CHODL: variants seen among roughly 807,000 people sequenced by gnomAD.
The protein encoded by CHODL is transmembrane protein MT75.
CHODL carries 29 observed loss-of-function variants against 34.5 expected under a neutral mutation model. That is an observed-to-expected ratio of 0.84 (90% confidence interval 0.63 to 1.15). The LOEUF (loss-of-function observed/expected upper bound fraction) is 1.15, where lower values mean the gene tolerates loss of function less well. CHODL is among the 50% of genes most tolerant of loss of function. The pLI, the probability that CHODL is intolerant of heterozygous loss-of-function variation, is 0.00. For synonymous variants in CHODL, 125 were observed against 116.1 expected (o/e 1.08, Z -0.49); for missense variants, 332 against 332.5 (o/e 1.00, Z 0.01).
intron 1 of CHODL, among the ~76,000 whole-genome samples, chr21:17,964,987 G>A (rs960317346): frequency 6.6e-5 from 10 of 152,228 alleles, no homozygotes; most frequent in South Asian, 4.1e-4. Context: ...GTAAATAACA[G>A]TTTGGAAATT....
intron 2 of CHODL, among the ~76,000 whole-genome samples, chr21:18,109,114 G>A (rs2065315430): frequency 1.3e-5 from 2 of 152,094 alleles, no homozygotes; most frequent in Non-Finnish European, 1.5e-5. Context: ...AGTTTTTTAA[G>A]CCTTAACAAT....
chr21:18,256,987 A>C lies in CHODL; in HGVS notation c.407A>C (p.Glu136Ala). Residue 136 changes from glutamate to alanine, a missense_variant, in exon 3 of 6, where the codon GAA (glutamate) becomes GCA (alanine). Physicochemically the swap from Glu to Ala is moderately radical, Grantham distance 107. Coordinates refer to ENST00000299295, the MANE Select transcript of CHODL (RefSeq NM_024944.3). The part of the protein sequence containing the change: ...NSQYRNWYTD[E>A]PSCGSEKCVV... Reference sequence around the variant, plus strand: ...GTTTGCAGAAACTGGTACACAGATGAACCTTCCTGCGGAAGTGAAAAGTGT... The same window carrying C: ...GTTTGCAGAAACTGGTACACAGATGCACCTTCCTGCGGAAGTGAAAAGTGT... 6.2e-7 allele frequency: 1 copy of C among 1,613,302 alleles called. No individual in the cohort carries two copies. Among genetic ancestry groups the C allele is most frequent in the Non-Finnish European group, 8.5e-7 (1 of 1,179,650 alleles).
Position 17,946,312 on chromosome 21 carries a change from G to C in CHODL, c.-145+28912G>C, listed in dbSNP as rs1006999448. On this transcript the variant is annotated intron_variant, in intron 1 of 6. Transcript: ENST00000400127. ...CGGGTGCCTGTGGTCCCAGCTACTC[G>C]GGAGGCTGAGGCAGGAGAATGGCGT... Among the ~76,000 whole-genome samples the C allele has an allele frequency of 3.3e-5, 5 of 152,174 alleles. No individual in the cohort carries two copies. In the East Asian group the frequency reaches 9.7e-4, roughly 29 times the overall value.
At chr21:18,036,375 G>T (rs1202567233) in intron 2 of CHODL, among the ~76,000 whole-genome samples, 1 of 152,012 alleles carries the variant, frequency 6.6e-6, no homozygotes, top group African/African-American at 2.4e-5. Flanking sequence ...GAAGGCTCAA[G>T]AGGTATCCTC....
Position 17,974,540 on chromosome 21 carries a change from G to C in CHODL, c.-144-53332G>C, listed in dbSNP as rs533026633. Among the ~76,000 whole-genome samples, 96 of 152,204 alleles carry C rather than the reference G, an allele frequency of 6.3e-4. 2 individuals are homozygous for C. The highest frequency in any genetic ancestry group is 6.3e-3 in the Admixed American group (96 of 15,278). ...CTGCCTTGGCCTCCTGAAGTGCTGC[G>C]AGTACAAGCGTGAACCACCATGCCC... On this transcript the variant is annotated intron_variant, in intron 1 of 6. Coordinates refer to the CHODL transcript ENST00000400127.
At position 18,265,261 on chromosome 21, in the gene CHODL, G is replaced by GTA. The variant is rs200675808; in HGVS notation, c.738-683_738-682dup. On this transcript the variant is annotated intron_variant, in intron 5 of 5. Transcript: ENST00000299295. ...TATATATATATGTGTATATATATGTGTATATATATATGTGTGTGTATATAT... is the reference window on the plus strand; with the variant it reads ...TATATATATATGTGTATATATATGTGTATATATATATATGTGTGTGTATATAT... Among the ~76,000 whole-genome samples the GTA allele has an allele frequency of 1.8e-4, 24 of 136,562 alleles. 1 individual carries two copies. Among genetic ancestry groups the GTA allele is most frequent in the African/African-American group, 2.8e-4 (9 of 32,382 alleles). The allele number at this position is 136,562 out of a possible 152,430, so 89.6% of individuals were successfully genotyped here. A position where few individuals can be genotyped will look rare whatever the true frequency, so the allele number is the denominator to read the frequency against.
chr21:18,155,702 C>G (rs1350029291), intron 2 of CHODL, among the ~76,000 whole-genome samples: 1 of 152,172 alleles, frequency 6.6e-6, no homozygotes. Context: ...AGTGGTTTCT[C>G]TCACTGAGGT....
chr21:18,078,366 C>T (rs924646901), intron 2 of CHODL, among the ~76,000 whole-genome samples: 1 of 152,064 alleles, frequency 6.6e-6, no homozygotes, highest in Non-Finnish European at 1.5e-5. Context: ...TTCACTATCA[C>T]AAGAACATCA....
intron 2 of CHODL, among the ~76,000 whole-genome samples, chr21:18,155,915 A>AT (rs1402969459): frequency 6.6e-6 from 1 of 152,188 alleles, no homozygotes; most frequent in Non-Finnish European, 1.5e-5. Flanking sequence ...CAGGGTCATC[A>AT]TTTTGCTAAA....
chr21:18,036,987 A>G (rs950019969), intron 2 of CHODL, among the ~76,000 whole-genome samples: 2 of 151,968 alleles, frequency 1.3e-5, no homozygotes, highest in African/African-American at 4.8e-5. Context: ...GAAAACCAAA[A>G]CAATTTTGAG....
At chr21:18,169,746 G>C (rs1199909668) in intron 2 of CHODL, among the ~76,000 whole-genome samples, 1 of 151,864 alleles carries the variant, frequency 6.6e-6, no homozygotes, top group Non-Finnish European at 1.5e-5. Flanking sequence ...TCATTTTTTA[G>C]ATATCAGTTT....
intron 1 of CHODL, among the ~76,000 whole-genome samples, chr21:18,002,852 T>A (rs942758913): frequency 5.3e-5 from 8 of 152,000 alleles, no homozygotes; most frequent in Non-Finnish European, 1.0e-4. Flanking sequence ...GGCCGGGCGC[T>A]GTGGCTCACG....
At chr21:18,002,588 C>T (rs2063916767) in intron 1 of CHODL, among the ~76,000 whole-genome samples, 2 of 152,132 alleles carry the variant, frequency 1.3e-5, no homozygotes, top group South Asian at 2.1e-4. Flanking sequence ...TGGTGTTGAG[C>T]TAGTTCTCTA....
intron 1 of CHODL, among the ~76,000 whole-genome samples, chr21:17,946,287 C>T (rs955380755): frequency 6.6e-6 from 1 of 151,996 alleles, no homozygotes; most frequent in Non-Finnish European, 1.5e-5. Flanking sequence ...GGTGTGGTGG[C>T]GGGTGCCTGT....
chr21:18,177,445 T>C (rs1357208697), intron 2 of CHODL, among the ~76,000 whole-genome samples: 1 of 152,168 alleles, frequency 6.6e-6, no homozygotes, highest in African/African-American at 2.4e-5. Context: ...TCTGTGTATG[T>C]AGCTTCAGCA....
chr21:17,925,108 G>A (rs1363378884), intron 1 of CHODL, among the ~76,000 whole-genome samples: 1 of 152,220 alleles, frequency 6.6e-6, no homozygotes, highest in East Asian at 1.9e-4. Context: ...GGCACTAGTG[G>A]CCGTGTGGGG....
chr21:18,240,264 CAT>C (rs138398649), upstream of CHODL, among the ~76,000 whole-genome samples: 3,609 of 152,086 alleles, frequency 0.024, 59 homozygotes, highest in Middle Eastern at 0.048. Context: ...ATGCAAATAA[CAT>C]ATGACATTCT....
chr21:18,027,705 C>T (rs986019053), intron 1 of CHODL, among the ~76,000 whole-genome samples: 3 of 152,274 alleles, frequency 2.0e-5, no homozygotes, highest in African/African-American at 7.2e-5. Context: ...TGTATCCCTT[C>T]TCAAATTCAT....
intron 2 of CHODL, among the ~76,000 whole-genome samples, chr21:18,129,850 G>A (rs2072631065): frequency 1.3e-5 from 2 of 151,360 alleles, no homozygotes; most frequent in Admixed American, 1.3e-4. Flanking sequence ...CATGGTGTTG[G>A]GTAATAAATA....
Sources: allele counts gnomAD v4.1 joint callset (sites outside exome capture counted in the v4.1 genomes callset), GRCh38; gene constraint gnomAD v4.1.1; transcripts MANE v1.5; gene names NCBI Gene and HGNC (gene_info 2026-07-23, HGNC 2026-07-21).